AUTS2: variants seen among roughly 807,000 people sequenced by gnomAD.
AUTS2 encodes autism susceptibility gene 2 protein.
Under a neutral mutation model 112.4 loss-of-function variants are expected in AUTS2, and 17 were observed. That is an observed-to-expected ratio of 0.15 (90% CI 0.10 to 0.23). The LOEUF (loss-of-function observed/expected upper bound fraction) is 0.23, where lower values mean the gene tolerates loss of function less well. Among genes scored for constraint, AUTS2 ranks in the 10% least tolerant of loss-of-function variants. AUTS2 has a pLI of 1.00. For synonymous variants in AUTS2, 751 were observed against 702.7 expected, an observed-to-expected ratio of 1.07 and a Z score of -1.09; for missense variants, 1,510 against 1,701.6, an observed-to-expected ratio of 0.89 and a Z score of 1.98.
At chr7:69,925,553 A>T (rs1248738699) in intron 2 of AUTS2, among the ~76,000 whole-genome samples, 2 of 152,180 alleles carry the variant, frequency 1.3e-5, no homozygotes, top group Non-Finnish European at 2.9e-5. Context: ...GGTTTATTAC[A>T]TTAAATCAGT....
In AUTS2 at chr7:70,785,946, T is replaced by C; in HGVS notation, c.2225-9T>C. ...CTGACCATTTCCTTCTTCCCCATCT[T>C]GTTTGCAGAGCCTTTTAATCGGCCG... On this transcript the variant is annotated splice_polypyrimidine_tract_variant and intron_variant, in intron 16 of 18. Coordinates refer to ENST00000342771, the MANE Select transcript of AUTS2 (RefSeq NM_015570.4). 6.2e-7 allele frequency: 1 copy of C among 1,613,638 alleles called. No homozygotes were observed. The highest frequency in any genetic ancestry group is 8.5e-7 in the Non-Finnish European group (1 of 1,179,826).
At chr7:70,574,500 C>G (rs1414423713) in intron 5 of AUTS2, among the ~76,000 whole-genome samples, 7 of 152,192 alleles carry the variant, frequency 4.6e-5, no homozygotes, top group Non-Finnish European at 1.0e-4. Flanking sequence ...TTGGCCCTCT[C>G]TGTACTTTGG....
intron 5 of AUTS2, among the ~76,000 whole-genome samples, chr7:70,452,375 C>G (rs941533286): frequency 6.6e-6 from 1 of 152,078 alleles, no homozygotes; most frequent in Non-Finnish European, 1.5e-5. Context: ...AGGAGGATTG[C>G]GTGAGCCCGG....
chr7:69,713,059 C>G (rs1361668703), intron 1 of AUTS2, among the ~76,000 whole-genome samples: 1 of 151,918 alleles, frequency 6.6e-6, no homozygotes, highest in Non-Finnish European at 1.5e-5. Flanking sequence ...TGAAAAAAAC[C>G]TTAGTTGTTT....
intron 1 of AUTS2, among the ~76,000 whole-genome samples, chr7:69,648,499 A>C (rs960487569): frequency 1.3e-5 from 2 of 151,770 alleles, no homozygotes; most frequent in African/African-American, 4.8e-5. Flanking sequence ...TGGTCTTTAA[A>C]ATTTTACTTT....
intron 2 of AUTS2, among the ~76,000 whole-genome samples, chr7:69,921,909 T>C (rs978792650): frequency 6.0e-5 from 9 of 149,364 alleles, no homozygotes; most frequent in African/African-American, 2.2e-4. Context: ...CTACTAAAAA[T>C]ACAAAATTAG....
chr7:70,015,727 A>G (rs2129554689), intron 2 of AUTS2, among the ~76,000 whole-genome samples: 1 of 152,296 alleles, frequency 6.6e-6, no homozygotes, highest in Non-Finnish European at 1.5e-5. Flanking sequence ...AAAAATTGGT[A>G]AAGCATTTAA....
At chr7:69,640,510 C>T (rs1794755548) in intron 1 of AUTS2, among the ~76,000 whole-genome samples, 1 of 152,224 alleles carries the variant, frequency 6.6e-6, no homozygotes, top group African/African-American at 2.4e-5. Context: ...ATGCTGCTAA[C>T]TTGAATACAT....
At chr7:69,932,920 G>T (rs796820870) in intron 2 of AUTS2, among the ~76,000 whole-genome samples, 9 of 152,294 alleles carry the variant, frequency 5.9e-5, no homozygotes, top group African/African-American at 1.9e-4. Context: ...CAGTCAACCA[G>T]ATTGGTCTAT....
chr7:70,546,481 T>C (rs544032726), intron 5 of AUTS2, among the ~76,000 whole-genome samples: 1 of 148,022 alleles, frequency 6.8e-6, no homozygotes. Context: ...ATGTGTTCAT[T>C]ATAAAAATCA....
rs150307858 is a variant in AUTS2 at position 70,445,020 on chromosome 7, C to T, written c.690+9239C>T. Among the ~76,000 whole-genome samples the T allele has an allele frequency of 3.4e-3, 521 of 152,232 alleles. 2 individuals are homozygous for T. The highest frequency in any genetic ancestry group is 0.012 in the African/African-American group (496 of 41,518). On this transcript the variant is annotated intron_variant, in intron 5 of 18. Transcript: ENST00000342771. ...AGCAACTAAATAGTAATAATAAGCA[C>T]CACTTCACATGAAAGAGAACATTGC...
intron 6 of AUTS2, among the ~76,000 whole-genome samples, chr7:70,712,340 G>T (rs147572175): frequency 2.0e-5 from 3 of 150,208 alleles, no homozygotes; most frequent in Middle Eastern, 3.5e-3. Context: ...GAGCCACCAC[G>T]CCCAGTGTCC....
At chr7:69,957,858 T>C (rs1326116332) in intron 2 of AUTS2, among the ~76,000 whole-genome samples, 1 of 151,784 alleles carries the variant, frequency 6.6e-6, no homozygotes, top group Non-Finnish European at 1.5e-5. Context: ...CCCTTTCTCC[T>C]GGCATAGCAG....
At chr7:70,329,269 G>A (rs1790637439) in intron 4 of AUTS2, among the ~76,000 whole-genome samples, 1 of 152,072 alleles carries the variant, frequency 6.6e-6, no homozygotes, top group Non-Finnish European at 1.5e-5. Context: ...TATGTACCTC[G>A]TTTTGGTTCT....
intron 5 of AUTS2, among the ~76,000 whole-genome samples, chr7:70,571,222 G>A (rs1321138050): frequency 1.3e-5 from 2 of 152,184 alleles, no homozygotes; most frequent in Non-Finnish European, 2.9e-5. Context: ...TTGAAGGCTC[G>A]CTAGAAGTAG....
intron 1 of AUTS2, among the ~76,000 whole-genome samples, chr7:69,750,967 C>G (rs958294366): frequency 4.6e-5 from 7 of 151,862 alleles, no homozygotes; most frequent in African/African-American, 1.7e-4. Context: ...AGGAGAAGGG[C>G]ATTGGAAAAT....
chr7:70,523,063 C>G (rs1347197024), intron 5 of AUTS2, among the ~76,000 whole-genome samples: 2 of 152,216 alleles, frequency 1.3e-5, no homozygotes, highest in African/African-American at 4.8e-5. Flanking sequence ...TTACCTGGGA[C>G]TTTATGCAGT....
chr7:70,695,152 G>A lies in AUTS2; in HGVS notation c.691-3417G>A, dbSNP rs1809009590. The A allele has an allele frequency of 2.0e-5, 3 of 152,494 alleles. No individual in the cohort carries two copies. In the South Asian group the frequency reaches 5.9e-4, roughly 30 times the overall value. 9.4% of individuals were successfully genotyped at this position (152,494 alleles called of 1,614,324 possible). ...GCGGCGGCCGGGCCGGCGGGCAGGGGTGGCAGGGGCGGGCTTCTCCCGTCT... is the reference window on the plus strand; with the variant it reads ...GCGGCGGCCGGGCCGGCGGGCAGGGATGGCAGGGGCGGGCTTCTCCCGTCT... On this transcript the variant is annotated intron_variant, in intron 5 of 18. Coordinates refer to ENST00000342771, the MANE Select transcript of AUTS2 (RefSeq NM_015570.4).
chr7:70,786,759 G>C (rs1791517691), intron 17 of AUTS2, among the ~76,000 whole-genome samples: 1 of 152,136 alleles, frequency 6.6e-6, no homozygotes, highest in African/African-American at 2.4e-5. Context: ...TGTCTGGTGA[G>C]GGCAAGGTCC....
Sources: allele counts gnomAD v4.1 joint callset (sites outside exome capture counted in the v4.1 genomes callset), GRCh38; gene constraint gnomAD v4.1.1; transcripts MANE v1.5; gene names NCBI Gene and HGNC (gene_info 2026-07-23, HGNC 2026-07-21).